The following VRK3 variants were observed in gnomAD, a reference collection of about 807,000 sequenced individuals.
The protein encoded by VRK3 is VRK serine/threonine kinase 3.
A neutral mutation model predicts 60.4 loss-of-function variants in VRK3; 50 were observed. That is an observed-to-expected ratio of 0.83 (90% CI 0.66 to 1.05). The LOEUF is 1.05. Ranked by LOEUF, VRK3 falls within the 50% of genes least tolerant of loss-of-function variation. The pLI is 0.00. For synonymous variants in VRK3, 246 were observed against 227.8 expected (o/e 1.08, Z -0.72); for missense variants, 549 against 585.3 (o/e 0.94, Z 0.64).
chr19:50,014,921 A>G (rs916818826), intron 3 of VRK3, among the ~76,000 whole-genome samples: 1 of 152,126 alleles, frequency 6.6e-6, no homozygotes, highest in Non-Finnish European at 1.5e-5. Flanking sequence ...GCTTCTGCAT[A>G]AGAGAGGTGA....
rs1279547385 is a variant in VRK3 at position 49,994,847 on chromosome 19, T to C, written c.837A>G (p.Ser279=). ...ALDVSPKHVL[S]ERSVLQVACR... is the part of the protein sequence containing the mutation. ...AGGCCACCTGCAGCACAGACCTCTCTGACAGCACATGCTTTGGGCTGACAT... is the reference window on the plus strand; with the variant it reads ...AGGCCACCTGCAGCACAGACCTCTCCGACAGCACATGCTTTGGGCTGACAT... The change falls in exon 9 of 15, where the codon TCA becomes TCG. Residue 279 remains serine, a synonymous_variant. Coordinates refer to ENST00000316763, the MANE Select transcript of VRK3 (RefSeq NM_016440.4). The C allele has an allele frequency of 6.2e-7, 1 of 1,614,132 alleles. No individual in the cohort carries two copies. Among genetic ancestry groups the C allele is most frequent in the Non-Finnish European group, 8.5e-7 (1 of 1,180,012 alleles).
At chr19:49,993,391 T>C (rs1437312451) in intron 9 of VRK3, among the ~76,000 whole-genome samples, 1 of 152,150 alleles carries the variant, frequency 6.6e-6, no homozygotes, top group East Asian at 1.9e-4. Flanking sequence ...GACTCTTTTT[T>C]TGCTGTGTGT....
At chr19:49,984,863 A>G (rs2076485305) in intron 12 of VRK3, among the ~76,000 whole-genome samples, 1 of 152,062 alleles carries the variant, frequency 6.6e-6, no homozygotes, top group African/African-American at 2.4e-5. Flanking sequence ...GGGCTCAAGC[A>G]ATCTGCCCAC....
At chr19:50,009,025 G>A (rs1029096101) in intron 4 of VRK3, among the ~76,000 whole-genome samples, 5 of 152,136 alleles carry the variant, frequency 3.3e-5, no homozygotes, top group Non-Finnish European at 7.3e-5. Context: ...GGGAGGGGCC[G>A]GGGCAGCTCT....
At chr19:49,982,095 G>A in intron 12 of VRK3, 1 of 702,670 alleles carries the variant, frequency 1.4e-6, no homozygotes, top group Non-Finnish European at 2.6e-6. Context: ...GAGGAACTGG[G>A]AGGAGGTGGA....
chr19:49,997,394 G>T, intron 7 of VRK3, 110 bp downstream of exon 7: 1 of 1,227,902 alleles, frequency 8.1e-7, no homozygotes, highest in Non-Finnish European at 1.1e-6. Flanking sequence ...GCAAACCTGG[G>T]CCTTTAATCT....
At chr19:50,016,704 T>C (rs1285748381) in intron 2 of VRK3, among the ~76,000 whole-genome samples, 1 of 152,282 alleles carries the variant, frequency 6.6e-6, no homozygotes, top group Non-Finnish European at 1.5e-5. Flanking sequence ...TTACTCTCTA[T>C]GCTTTGCATC....
chr19:49,984,838 G>A (rs773981743), intron 12 of VRK3, among the ~76,000 whole-genome samples: 1 of 151,950 alleles, frequency 6.6e-6, no homozygotes, highest in Admixed American at 6.6e-5. Flanking sequence ...TTGCCCAGGC[G>A]GGTCTCAAAC....
chr19:50,008,595 T>C lies in VRK3; in HGVS notation c.289+641A>G, dbSNP rs114186289. Among the ~76,000 whole-genome samples, 1,274 of 152,240 alleles carry C rather than the reference T, an allele frequency of 8.4e-3. 17 individuals carry two copies. Among genetic ancestry groups the C allele is most frequent in the African/African-American group, 0.029 (1,223 of 41,540 alleles). On this transcript the variant is annotated intron_variant, in intron 4 of 14. Coordinates refer to ENST00000316763, the MANE Select transcript of VRK3 (RefSeq NM_016440.4). ...GGGCACTGGCTGGGCAGAGGGTATA[T>C]ACACTAATTGTGCTGGGTCCCTACC...
In VRK3 at chr19:49,979,152, A is replaced by G; in HGVS notation, c.1367T>C (p.Leu456Ser). The G allele has an allele frequency of 6.2e-7, 1 of 1,614,026 alleles. No homozygotes were observed. The highest frequency in any genetic ancestry group is 1.7e-5 in the Admixed American group (1 of 60,002). Residue 456 changes from leucine to serine, a missense_variant, in exon 14 of 15, where the codon TTG becomes TCG. By Grantham distance (145) the Leu-to-Ser change is moderately radical (BLOSUM62 -2). Transcript: ENST00000316763. ...TGGAGACACACGCAGATCCTGCAGC[A>G]AAGCTTCTAGGTTGTTCCTCAGCAT... is the stretch of plus-strand genomic sequence containing the variant. Reference protein sequence around the residue: ...YAMLRNNLEALLQDLRVSPYD... With the variant: ...YAMLRNNLEASLQDLRVSPYD...
chr19:50,024,490 C>G (rs1163655497), intron 1 of VRK3, among the ~76,000 whole-genome samples: 2 of 152,206 alleles, frequency 1.3e-5, no homozygotes, highest in Non-Finnish European at 2.9e-5. Context: ...AGATAAGGGA[C>G]TGCAGACCTG....
At chr19:49,989,534 G>A (rs1182220355) in intron 11 of VRK3, 105 bp downstream of exon 11, 2 of 1,430,430 alleles carry the variant, frequency 1.4e-6, no homozygotes, top group Non-Finnish European at 1.9e-6. Context: ...CGCCCTTAGT[G>A]CCTCTCCTGT....
chr19:49,991,337 T>C (rs35853851), intron 10 of VRK3, among the ~76,000 whole-genome samples: 19,322 of 152,098 alleles, frequency 0.13, 1,396 homozygotes, highest in East Asian at 0.34. Context: ...AGCTAGAACA[T>C]TGGTCTTTTC....
At chr19:49,978,806 A>G in intron 14 of VRK3, 1 of 323,378 alleles carries the variant, frequency 3.1e-6, no homozygotes, top group Non-Finnish European at 5.7e-6. Flanking sequence ...GAGGCCCTGA[A>G]TCCCGTTGTG....
intron 3 of VRK3, 109 bp downstream of exon 3, chr19:50,015,915 G>T: frequency 6.8e-7 from 1 of 1,479,594 alleles, no homozygotes; most frequent in Non-Finnish European, 9.3e-7. Flanking sequence ...GGCTTCTCCA[G>T]TGTCAGGACA....
chr19:49,981,651 T>C, intron 12 of VRK3: 2 of 956,328 alleles, frequency 2.1e-6, no homozygotes, highest in Non-Finnish European at 2.5e-6. Context: ...ACTCTTTTAA[T>C]CTGTGATCCT....
At chr19:50,017,219 A>C (rs2077093040) in intron 2 of VRK3, among the ~76,000 whole-genome samples, 1 of 151,952 alleles carries the variant, frequency 6.6e-6, no homozygotes, top group Non-Finnish European at 1.5e-5. Flanking sequence ...AAACAGCAGC[A>C]ACAAAAAAAG....
chr19:50,003,776 C>A (rs1051612442), intron 5 of VRK3, among the ~76,000 whole-genome samples: 2 of 152,248 alleles, frequency 1.3e-5, no homozygotes, highest in Non-Finnish European at 2.9e-5. Context: ...TGCTCTGGGG[C>A]GATGTCACCC....
rs140365927 is a variant in VRK3 at position 49,979,112 on chromosome 19, G to A, written c.1407C>T (p.Gly469=). Reference sequence around the variant, plus strand: ...ATTCCACCTAGGGCACCATCGGGAGGCCAATGGGGTCATATGGAGACACAC... The same window carrying A: ...ATTCCACCTAGGGCACCATCGGGAGACCAATGGGGTCATATGGAGACACAC... The part of the protein sequence containing the change: ...DLRVSPYDPI[G]LPMVP Residue 469 remains glycine (G), a synonymous_variant, in exon 14 of 15, where the codon GGC becomes GGT. Coordinates refer to ENST00000316763, the MANE Select transcript of VRK3 (RefSeq NM_016440.4). 1 of 1,611,764 alleles carries A rather than the reference G, an allele frequency of 6.2e-7. No individual in the cohort carries two copies. Among genetic ancestry groups the A allele is most frequent in the Non-Finnish European group, 8.5e-7 (1 of 1,178,372 alleles).
Sources: gnomAD v4.1 joint callset for allele counts (sites outside exome capture counted in the v4.1 genomes callset) on GRCh38, gnomAD v4.1.1 for gene constraint, MANE v1.5 for transcripts, NCBI Gene and HGNC (gene_info 2026-07-23, HGNC 2026-07-21) for gene names.